The following LRRC4C variants were observed in gnomAD, a reference collection of about 807,000 sequenced individuals.
LRRC4C encodes leucine rich repeat containing 4C, also known as leucine-rich repeat-containing protein 4C.
Under a neutral mutation model 33.6 loss-of-function variants are expected in LRRC4C, and 5 were observed. The observed-to-expected ratio is 0.15, with a 90% CI of 0.08 to 0.31. LRRC4C has a LOEUF of 0.31. LRRC4C is among the 10% of genes least tolerant of loss of function. LRRC4C has a pLI of 1.00. For synonymous variants in LRRC4C, 329 were observed against 302.0 expected, an observed-to-expected ratio of 1.09 and a Z score of -0.93; for missense variants, 560 against 796.7, an observed-to-expected ratio of 0.70 and a Z score of 3.58.
At chr11:40,987,953 G>T (rs1163112383) in intron 1 of LRRC4C, among the ~76,000 whole-genome samples, 1 of 151,890 alleles carries the variant, frequency 6.6e-6, no homozygotes, top group African/African-American at 2.4e-5. Context: ...CTGACTCCTT[G>T]TGGGATTAAA....
chr11:40,956,889 G>T (rs1958979544), intron 1 of LRRC4C, among the ~76,000 whole-genome samples: 2 of 151,770 alleles, frequency 1.3e-5, no homozygotes, highest in South Asian at 4.2e-4. Flanking sequence ...AAAAAAAGAA[G>T]AGTTTAATTG....
intron 3 of LRRC4C, among the ~76,000 whole-genome samples, chr11:40,546,101 C>A (rs1041115375): frequency 1.3e-5 from 2 of 148,900 alleles, no homozygotes; most frequent in African/African-American, 5.0e-5. Context: ...TTCCTTCCTT[C>A]CTTCCTTCCT....
At chr11:41,160,799 G>T (rs865927924) in intron 1 of LRRC4C, among the ~76,000 whole-genome samples, 9 of 152,258 alleles carry the variant, frequency 5.9e-5, no homozygotes, top group Middle Eastern at 3.4e-3. Context: ...TGTACATATT[G>T]CTATGAAAAC....
chr11:40,230,042 T>A (rs574882113), intron 5 of LRRC4C, among the ~76,000 whole-genome samples: 16 of 152,180 alleles, frequency 1.1e-4, no homozygotes, highest in Non-Finnish European at 2.4e-4. Context: ...CTCATCCACA[T>A]CCTTGGCAGT....
chr11:40,471,739 C>T (rs1433233067), intron 3 of LRRC4C, among the ~76,000 whole-genome samples: 6 of 148,222 alleles, frequency 4.0e-5, no homozygotes, highest in Non-Finnish European at 8.9e-5. Flanking sequence ...AGACTTTAAA[C>T]CAATATTAGA....
intron 3 of LRRC4C, among the ~76,000 whole-genome samples, chr11:40,568,151 A>G (rs1409450674): frequency 6.6e-6 from 1 of 152,172 alleles, no homozygotes; most frequent in Non-Finnish European, 1.5e-5. Context: ...CAAAAATATT[A>G]TGCCTTCTGT....
intron 2 of LRRC4C, among the ~76,000 whole-genome samples, chr11:40,773,903 G>A (rs10742558): frequency 0.67 from 102,186 of 151,684 alleles, 35,141 homozygotes; most frequent in African/African-American, 0.73. Context: ...TATATGATTC[G>A]GTGGTATATA....
At chr11:40,821,167 A>G (rs1298929847) in intron 2 of LRRC4C, among the ~76,000 whole-genome samples, 1 of 151,688 alleles carries the variant, frequency 6.6e-6, no homozygotes, top group Admixed American at 6.6e-5. Context: ...ATAAATGGAG[A>G]TGTATTTCAT....
chr11:40,789,747 T>C (rs1412032937), intron 2 of LRRC4C, among the ~76,000 whole-genome samples: 3 of 152,224 alleles, frequency 2.0e-5, no homozygotes, highest in Non-Finnish European at 4.4e-5. Context: ...ATTCAACATA[T>C]TTTGAGCCAA....
chr11:40,996,235 G>A (rs1276512390), intron 1 of LRRC4C, among the ~76,000 whole-genome samples: 1 of 152,108 alleles, frequency 6.6e-6, no homozygotes, highest in African/African-American at 2.4e-5. Flanking sequence ...AGGCTGGGTA[G>A]CAGACTTACT....
intron 2 of LRRC4C, among the ~76,000 whole-genome samples, chr11:40,686,067 T>A (rs1944938066): frequency 6.6e-6 from 1 of 152,014 alleles, no homozygotes; most frequent in African/African-American, 2.4e-5. Context: ...CCTCATCATA[T>A]ACTCTACAAT....
At chr11:41,032,533 C>T (rs922033615) in intron 1 of LRRC4C, among the ~76,000 whole-genome samples, 2 of 151,796 alleles carry the variant, frequency 1.3e-5, no homozygotes, top group African/African-American at 4.8e-5. Flanking sequence ...ATATTGACTG[C>T]TTGTAATAAA....
At chr11:40,240,676 G>A (rs926671706) in intron 5 of LRRC4C, among the ~76,000 whole-genome samples, 2 of 152,142 alleles carry the variant, frequency 1.3e-5, no homozygotes, top group African/African-American at 4.8e-5. Context: ...AAGTGATGGA[G>A]TTTTCAACTA....
chr11:40,864,197 T>C (rs2135876304), intron 2 of LRRC4C, among the ~76,000 whole-genome samples: 1 of 152,222 alleles, frequency 6.6e-6, no homozygotes, highest in South Asian at 2.1e-4. Context: ...GCTTCCTGAG[T>C]AGCTGGGACT....
chr11:40,903,626 A>G (rs1314329975), intron 2 of LRRC4C, among the ~76,000 whole-genome samples: 1 of 152,194 alleles, frequency 6.6e-6, no homozygotes, highest in Non-Finnish European at 1.5e-5. Context: ...AACTATCAAC[A>G]TTAATTAGTT....
At chr11:41,131,351 A>G in intron 1 of LRRC4C, among the ~76,000 whole-genome samples, 1 of 152,052 alleles carries the variant, frequency 6.6e-6, no homozygotes, top group East Asian at 1.9e-4. Context: ...AAACATATGT[A>G]TTCATCTTAA....
At chr11:41,009,568 GAA>G (rs141703629) in intron 1 of LRRC4C, among the ~76,000 whole-genome samples, 17 of 151,242 alleles carry the variant, frequency 1.1e-4, no homozygotes, top group Non-Finnish European at 2.2e-4. Flanking sequence ...ACAAATTCAA[GAA>G]AAAAAAATCA....
At chr11:41,455,055 C>A in intron 1 of LRRC4C, among the ~76,000 whole-genome samples, 1 of 152,238 alleles carries the variant, frequency 6.6e-6, no homozygotes, top group Middle Eastern at 3.4e-3. Flanking sequence ...TGATCTCATT[C>A]TATTCAACTA....
intron 1 of LRRC4C, among the ~76,000 whole-genome samples, chr11:41,179,848 T>G (rs188830546): frequency 6.7e-6 from 1 of 148,956 alleles, no homozygotes; most frequent in Non-Finnish European, 1.5e-5. Context: ...TTCTATGTGA[T>G]TGGAATTGCT....
Sources: gnomAD v4.1 joint callset for allele counts (sites outside exome capture counted in the v4.1 genomes callset) on GRCh38, gnomAD v4.1.1 for gene constraint, MANE v1.5 for transcripts, NCBI Gene and HGNC (gene_info 2026-07-23, HGNC 2026-07-21) for gene names.